The following FAM184B variants were observed in gnomAD, a reference collection of about 807,000 sequenced individuals.
FAM184B encodes protein FAM184B.
In FAM184B, 111 loss-of-function variants were observed where a neutral mutation model predicts 135.9. The ratio of observed to expected loss-of-function variants is 0.82; its 90% confidence interval spans 0.70 to 0.96. The LOEUF (loss-of-function observed/expected upper bound fraction) is 0.96, where lower values mean the gene tolerates loss of function less well. FAM184B is among the 40% of genes least tolerant of loss of function. The probability of loss-of-function intolerance (pLI) is 0.00; values close to 1 mark genes in which losing one functional copy is unlikely to be tolerated. For synonymous variants in FAM184B, 552 were observed against 524.8 expected (o/e 1.05, Z -0.71); for missense variants, 1,375 against 1,323.9 (o/e 1.04, Z -0.60).
chr4:17,642,482 T>C (rs1431491349), intron 12 of FAM184B, among the ~76,000 whole-genome samples: 1 of 152,186 alleles, frequency 6.6e-6, no homozygotes, highest in East Asian at 1.9e-4. Context: ...TGCATCCAAA[T>C]GAACACCAAC....
chr4:17,766,107 G>A (rs764498655), intron 1 of FAM184B, among the ~76,000 whole-genome samples: 7 of 152,194 alleles, frequency 4.6e-5, no homozygotes, highest in South Asian at 4.1e-4. Flanking sequence ...CAAAGAGCAA[G>A]ATTGGGAAGG....
At chr4:17,669,293 C>T (rs1337020803) in intron 7 of FAM184B, among the ~76,000 whole-genome samples, 1 of 152,138 alleles carries the variant, frequency 6.6e-6, no homozygotes, top group Non-Finnish European at 1.5e-5. Flanking sequence ...TCTCAGAGAT[C>T]TTTAATTCCC....
chr4:17,651,413 C>T (rs561285575), intron 11 of FAM184B, among the ~76,000 whole-genome samples: 6 of 151,820 alleles, frequency 4.0e-5, no homozygotes, highest in South Asian at 4.2e-4. Context: ...TGGCGGGCGC[C>T]TGTAGTCCCA....
intron 1 of FAM184B, among the ~76,000 whole-genome samples, chr4:17,740,523 T>C (rs769921643): frequency 6.6e-6 from 1 of 151,458 alleles, no homozygotes; most frequent in East Asian, 1.9e-4. Context: ...TGTTTCACTA[T>C]AGCTTTTAAG....
chr4:17,774,808 C>G lies in FAM184B; in HGVS notation c.141+6351G>C, dbSNP rs114285793. On this transcript the variant is annotated intron_variant, in intron 1 of 17. Coordinates refer to ENST00000265018, the MANE Select transcript of FAM184B (RefSeq NM_015688.2). The stretch of plus-strand genomic sequence containing the variant: ...AGAAAAAGAACAGTACAAAGAACAT[C>G]CACATACTCTTTTACTCAGAATCGC... Among the ~76,000 whole-genome samples the G allele has an allele frequency of 3.5e-3, 539 of 152,246 alleles. 8 individuals are homozygous for G. Among genetic ancestry groups the G allele is most frequent in the African/African-American group, 0.012 (508 of 41,554 alleles).
chr4:17,705,698 A>G (rs549620896), intron 4 of FAM184B, 54 bp downstream of exon 4: 1 of 1,544,108 alleles, frequency 6.5e-7, no homozygotes, highest in African/African-American at 1.4e-5. Flanking sequence ...CGCTTATAAT[A>G]GATAGCAAAG....
At chr4:17,633,995 A>C (rs939451197) in intron 16 of FAM184B, 107 bp from the exon 17 acceptor site, 6 of 891,872 alleles carry the variant, frequency 6.7e-6, no homozygotes, top group South Asian at 6.0e-5. Flanking sequence ...ATCGGAGAAG[A>C]AGCAACAATT....
intron 1 of FAM184B, among the ~76,000 whole-genome samples, chr4:17,768,802 C>G (rs1343206149): frequency 1.3e-5 from 2 of 150,590 alleles, no homozygotes; most frequent in Admixed American, 6.6e-5. Flanking sequence ...ATGTTTATTT[C>G]TTTTTTCTTT....
chr4:17,753,688 C>A (rs1718358413), intron 1 of FAM184B, among the ~76,000 whole-genome samples: 1 of 152,068 alleles, frequency 6.6e-6, no homozygotes, highest in Non-Finnish European at 1.5e-5. Flanking sequence ...ACAGAAGGAG[C>A]CAAGAAACCA....
chr4:17,703,295 G>A (rs1284662881), intron 5 of FAM184B, among the ~76,000 whole-genome samples: 2 of 152,012 alleles, frequency 1.3e-5, no homozygotes, highest in East Asian at 1.9e-4. Context: ...CCAGGAGTTC[G>A]AGACCAGCTG....
At chr4:17,647,507 C>A in intron 12 of FAM184B, 130 bp downstream of exon 12, 2 of 1,203,060 alleles carry the variant, frequency 1.7e-6, no homozygotes, top group South Asian at 3.4e-5. Context: ...GCTTTGGCCT[C>A]CCAAAGTGCT....
intron 13 of FAM184B, among the ~76,000 whole-genome samples, chr4:17,641,461 CTTTTTTTTTTTTTTTTTTTTTTT>C (rs71167316): frequency 1.8e-4 from 8 of 45,646 alleles, no homozygotes; most frequent in Admixed American, 8.3e-4. Flanking sequence ...AGGACTCCCT[CTTTTTTTTTTTTTTTTTTTTTTT>C]TTTTTTTTTT....
chr4:17,654,621 CTCACTCATGCAGTGGGCATT>C (rs1042483179), intron 10 of FAM184B, among the ~76,000 whole-genome samples: 1 of 152,250 alleles, frequency 6.6e-6, no homozygotes, highest in African/African-American at 2.4e-5. Flanking sequence ...GCCCTTTCCA[CTCACTCATGCAGTGGGCATT>C]TCACCAAATT....
In FAM184B at chr4:17,771,555, C is replaced by T. The variant is rs1430308626; in HGVS notation, c.141+9604G>A. On this transcript the variant is annotated intron_variant, in intron 1 of 17. Transcript: ENST00000265018. ...GCAAACTGGCATGGAACTGCTTAAACATCTGTCCCCAAACAAGCTCCTGCA... is the reference window on the plus strand; with the variant it reads ...GCAAACTGGCATGGAACTGCTTAAATATCTGTCCCCAAACAAGCTCCTGCA... Among the ~76,000 whole-genome samples, 3 of 152,208 alleles carry T rather than the reference C, an allele frequency of 2.0e-5. No individual in the cohort carries two copies. In the East Asian group the frequency reaches 5.8e-4, roughly 29 times the overall value.
intron 1 of FAM184B, among the ~76,000 whole-genome samples, chr4:17,757,500 C>T (rs1718448910): frequency 6.6e-6 from 1 of 151,848 alleles, no homozygotes; most frequent in East Asian, 1.9e-4. Flanking sequence ...AATTTTTTTT[C>T]AGTGTGATAA....
At chr4:17,738,199 G>A (rs1191732525) in intron 1 of FAM184B, among the ~76,000 whole-genome samples, 2 of 152,018 alleles carry the variant, frequency 1.3e-5, no homozygotes, top group African/African-American at 2.4e-5. Flanking sequence ...TCATTGGGAT[G>A]GGAGAGAATT....
intron 1 of FAM184B, among the ~76,000 whole-genome samples, chr4:17,743,425 G>T (rs780140665): frequency 6.6e-6 from 1 of 152,194 alleles, no homozygotes; most frequent in Non-Finnish European, 1.5e-5. Context: ...TCTGGCTGCT[G>T]CGTTGAGAGC....
Position 17,705,867 on chromosome 4 carries a change from G to A in FAM184B, c.1055C>T (p.Ser352Leu). The stretch of plus-strand genomic sequence containing the variant: ...CTCTTCCCGCAGGACTTTGTTCTCT[G>A]AAACTAACTCAGTCTTCATGGCATC... ...QTDAMKTELVSENKVLREEND... is the reference protein window; with the variant it reads ...QTDAMKTELVLENKVLREEND... Residue 352 changes from serine to leucine, a missense_variant, in exon 4 of 18, where the codon TCA becomes TTA. Physicochemically the swap from Ser to Leu is moderately radical, Grantham distance 145 (BLOSUM62 -2). Transcript: ENST00000265018. 1 of 1,552,248 alleles carries A rather than the reference G, an allele frequency of 6.4e-7. No homozygotes were observed.
chr4:17,672,311 TA>T (rs937229047), intron 7 of FAM184B, among the ~76,000 whole-genome samples: 2 of 152,054 alleles, frequency 1.3e-5, no homozygotes, highest in African/African-American at 4.8e-5. Flanking sequence ...CCTTCAAAAA[TA>T]AAAGAAAGTT....
Sources: gnomAD v4.1 joint callset for allele counts (sites outside exome capture counted in the v4.1 genomes callset) on GRCh38, gnomAD v4.1.1 for gene constraint, MANE v1.5 for transcripts, NCBI Gene and HGNC (gene_info 2026-07-23, HGNC 2026-07-21) for gene names.